PUM1: variants seen among roughly 807,000 people sequenced by gnomAD.
The protein encoded by PUM1 is pumilio RNA binding family member 1.
In PUM1, 13 loss-of-function variants were observed where a neutral mutation model predicts 131.8. The ratio of observed to expected loss-of-function variants is 0.10; its 90% CI spans 0.06 to 0.16. The LOEUF (loss-of-function observed/expected upper bound fraction) is 0.16. Among genes scored for constraint, PUM1 ranks in the 10% least tolerant of loss-of-function variants. PUM1 has a pLI of 1.00. For missense variants in PUM1, 961 were observed against 1,512.4 expected (o/e 0.64, Z 6.05); for synonymous variants, 509 against 556.5 (o/e 0.91, Z 1.20).
At chr1:30,967,128 T>C in intron 12 of PUM1, 39 bp downstream of exon 12, 1 of 1,607,428 alleles carries the variant, frequency 6.2e-7, no homozygotes. Context: ...GTCGCCACTT[T>C]TAGATCTCTG....
rs1553150216 is a variant in PUM1, at chr1:31,009,782, A to AAAAAAC, written c.433-2686_433-2681dup. On this transcript the variant is annotated intron_variant, in intron 3 of 21. Coordinates refer to ENST00000426105, the MANE Select transcript of PUM1 (RefSeq NM_001020658.2). Reference sequence around the variant, plus strand: ...GACTCTGTCTCAAAAAAAAAAAAAAAAAAAACAAAAACAGAAACAAAAAAA... The same window carrying AAAAAAC: ...GACTCTGTCTCAAAAAAAAAAAAAAAAAAAACAAAAACAAAAACAGAAACAAAAAAA... Among the ~76,000 whole-genome samples the AAAAAAC allele has an allele frequency of 7.2e-4, 90 of 125,280 alleles. 1 individual carries two copies. Among genetic ancestry groups the AAAAAAC allele is most frequent in the African/African-American group, 2.1e-3 (63 of 30,352 alleles). 82.2% of individuals were successfully genotyped at this position (125,280 alleles called of 152,430 possible). A position where few individuals can be genotyped will look rare whatever the true frequency, so the allele number is the denominator to read the frequency against.
intron 14 of PUM1, among the ~76,000 whole-genome samples, chr1:30,955,917 A>G (rs572772318): frequency 5.3e-4 from 80 of 152,250 alleles, no homozygotes; most frequent in Non-Finnish European, 9.7e-4. Flanking sequence ...GAAGTTTTTC[A>G]TATACACTTT....
chr1:31,059,316 A>T lies in PUM1; in HGVS notation c.251T>A (p.Phe84Tyr), dbSNP rs1424899378. The T allele has an allele frequency of 1.2e-6, 2 of 1,614,120 alleles. No individual in the cohort carries two copies. Among genetic ancestry groups the T allele is most frequent in the Admixed American group, 1.7e-5 (1 of 60,002 alleles). Residue 84 changes from phenylalanine to tyrosine, a missense_variant, in exon 2 of 22, where the codon TTC becomes TAC. Phe to Tyr is a conservative substitution (Grantham distance 22). Transcript: ENST00000426105. ...CTGCTCACCATGCTGCCTCTGAAAG[A>T]AGTAGTCCACCATAGCGTCGTCCTG... is the stretch of plus-strand genomic sequence containing the variant. ...RSQDDAMVDYFFQRQHGEQLG... is the reference protein window; with the variant it reads ...RSQDDAMVDYYFQRQHGEQLG...
intron 2 of PUM1, among the ~76,000 whole-genome samples, chr1:31,035,418 C>T (rs979785140): frequency 3.3e-5 from 5 of 151,424 alleles, no homozygotes; most frequent in African/African-American, 1.2e-4. Context: ...GTCATAACTA[C>T]CCTGAAAACA....
chr1:31,050,626 T>G (rs1373782146), intron 2 of PUM1, among the ~76,000 whole-genome samples: 3 of 152,236 alleles, frequency 2.0e-5, no homozygotes, highest in Non-Finnish European at 4.4e-5. Flanking sequence ...TATTCAGCTT[T>G]AACATGTTAA....
At chr1:31,014,337 T>C (rs1286069243) in intron 3 of PUM1, among the ~76,000 whole-genome samples, 1 of 134,968 alleles carries the variant, frequency 7.4e-6, no homozygotes, top group African/African-American at 2.8e-5. Context: ...ACATTCAAAG[T>C]GCTTGTAAAA....
chr1:31,038,984 A>ATTTTTTTTTTTTTTTTTTT (rs35507851), intron 2 of PUM1, among the ~76,000 whole-genome samples: 3 of 49,416 alleles, frequency 6.1e-5, no homozygotes, highest in South Asian at 8.2e-4. Context: ...ATATATATAT[A>ATTTTTTTTTTTTTTTTTTT]TTTTTTTTTT....
chr1:31,060,888 T>TAA (rs879564618), intron 1 of PUM1, among the ~76,000 whole-genome samples: 18 of 136,194 alleles, frequency 1.3e-4, no homozygotes, highest in East Asian at 6.2e-4. Flanking sequence ...TCTGTTTCAG[T>TAA]AAAAAAAAAA....
intron 3 of PUM1, among the ~76,000 whole-genome samples, chr1:31,020,927 G>A (rs1330783758): frequency 6.6e-6 from 1 of 152,138 alleles, no homozygotes; most frequent in Non-Finnish European, 1.5e-5. Context: ...CAGTAACCAA[G>A]AAGGAATTAC....
At position 31,054,403 on chromosome 1, in the gene PUM1, A is replaced by G. The variant is rs559068654; in HGVS notation, c.363+4801T>C. On this transcript the variant is annotated intron_variant, in intron 2 of 21. Coordinates refer to ENST00000426105, the MANE Select transcript of PUM1 (RefSeq NM_001020658.2). ...TTACGAGAGAAATAAAGTACCTGGC[A>G]TGACAAAGAGTTCCCCTCCCTCCAA... is the stretch of plus-strand genomic sequence containing the variant. Among the ~76,000 whole-genome samples the G allele has an allele frequency of 4.6e-5, 7 of 152,242 alleles. No individual in the cohort carries two copies. In the South Asian group the frequency reaches 1.0e-3, roughly 23 times the overall value.
At chr1:30,961,896 G>A (rs1419484536) in intron 14 of PUM1, among the ~76,000 whole-genome samples, 1 of 152,200 alleles carries the variant, frequency 6.6e-6, no homozygotes, top group African/African-American at 2.4e-5. Context: ...GCTCATCACT[G>A]CTGATGGCTG....
At chr1:31,058,555 G>T (rs769253658) in intron 2 of PUM1, among the ~76,000 whole-genome samples, 1 of 151,406 alleles carries the variant, frequency 6.6e-6, no homozygotes, top group African/African-American at 2.4e-5. Flanking sequence ...CCAGCTACTC[G>T]GGAGGCTGAG....
intron 9 of PUM1, among the ~76,000 whole-genome samples, chr1:30,976,925 G>C (rs1030763649): frequency 4.6e-5 from 7 of 151,958 alleles, no homozygotes; most frequent in African/African-American, 1.4e-4. Context: ...ATAAATAAGA[G>C]AAAAAACACA....
intron 5 of PUM1, among the ~76,000 whole-genome samples, chr1:30,995,485 T>TC (rs1166621401): frequency 2.6e-5 from 4 of 152,116 alleles, no homozygotes; most frequent in African/African-American, 9.7e-5. Flanking sequence ...TTTTCTTCCT[T>TC]CCTTTTTTTT....
chr1:30,973,832 G>A (rs1310677521), intron 10 of PUM1, among the ~76,000 whole-genome samples: 2 of 152,014 alleles, frequency 1.3e-5, no homozygotes, highest in African/African-American at 2.4e-5. Context: ...GGTCACGCCT[G>A]TAATCCCAGC....
At chr1:31,060,058 G>A (rs1644333247) in intron 1 of PUM1, among the ~76,000 whole-genome samples, 1 of 151,214 alleles carries the variant, frequency 6.6e-6, no homozygotes, top group Non-Finnish European at 1.5e-5. Flanking sequence ...ATGTTGGCCA[G>A]GCTGGTCTCG....
intron 21 of PUM1, among the ~76,000 whole-genome samples, chr1:30,933,632 C>G (rs1360335393): frequency 1.3e-5 from 2 of 152,144 alleles, no homozygotes; most frequent in African/African-American, 4.8e-5. Flanking sequence ...GGGCCACTCC[C>G]AGGACAACAC....
chr1:30,966,972 C>A (rs1640646800), intron 12 of PUM1, 195 bp downstream of exon 12: 2 of 615,752 alleles, frequency 3.2e-6, no homozygotes, highest in Admixed American at 3.5e-5. Context: ...CACCCCTCCC[C>A]CAACCCACCA....
intron 1 of PUM1, among the ~76,000 whole-genome samples, chr1:31,064,356 G>T (rs1644433701): frequency 6.6e-6 from 1 of 152,104 alleles, no homozygotes; most frequent in South Asian, 2.1e-4. Flanking sequence ...TTCAGAATCC[G>T]GAGAGCGTTT....
Sources: allele counts gnomAD v4.1 joint callset (sites outside exome capture counted in the v4.1 genomes callset), GRCh38; gene constraint gnomAD v4.1.1; transcripts MANE v1.5; gene names NCBI Gene and HGNC (gene_info 2026-07-23, HGNC 2026-07-21).